The following TAFA1 variants were observed in gnomAD, a reference collection of about 807,000 sequenced individuals.
The protein encoded by TAFA1 is TAFA chemokine like family member 1, also known as chemokine-like protein TAFA-1.
A neutral mutation model predicts 18.5 loss-of-function variants in TAFA1; 4 were observed. The ratio of observed to expected loss-of-function variants is 0.22; its 90% CI spans 0.11 to 0.49. The LOEUF (loss-of-function observed/expected upper bound fraction) is 0.49, where lower values mean the gene tolerates loss of function less well. TAFA1 is among the 20% of genes least tolerant of loss of function. The pLI, the probability that TAFA1 is intolerant of heterozygous loss-of-function variation, is 0.98. For synonymous variants in TAFA1, 56 were observed against 55.2 expected (o/e 1.01, Z -0.06); for missense variants, 147 against 169.0 (o/e 0.87, Z 0.72).
intron 2 of TAFA1, among the ~76,000 whole-genome samples, chr3:68,290,418 T>G (rs1295111931): frequency 6.6e-6 from 1 of 152,142 alleles, no homozygotes. Context: ...TTTATATGAG[T>G]AGTGAATGTC....
intron 2 of TAFA1, among the ~76,000 whole-genome samples, chr3:68,353,772 G>A (rs999766284): frequency 1.3e-5 from 2 of 152,120 alleles, no homozygotes; most frequent in Admixed American, 6.6e-5. Flanking sequence ...GTTTTAACAT[G>A]TGTGATGAAC....
chr3:68,355,033 G>A (rs2069335980), intron 2 of TAFA1, among the ~76,000 whole-genome samples: 1 of 151,942 alleles, frequency 6.6e-6, no homozygotes, highest in Non-Finnish European at 1.5e-5. Context: ...TCAGATCCCT[G>A]TGGAAATTTT....
At chr3:68,120,181 CT>C (rs773644276) in intron 2 of TAFA1, among the ~76,000 whole-genome samples, 2 of 17,602 alleles carry the variant, frequency 1.1e-4, no homozygotes, top group Non-Finnish European at 1.4e-4. Flanking sequence ...CTCTTTCTTT[CT>C]TTCTTTCTTT....
intron 2 of TAFA1, among the ~76,000 whole-genome samples, chr3:68,038,583 T>C (rs1342745743): frequency 6.6e-6 from 1 of 152,186 alleles, no homozygotes; most frequent in Non-Finnish European, 1.5e-5. Context: ...GATGCCTGCA[T>C]GGCTGCAGTA....
intron 2 of TAFA1, among the ~76,000 whole-genome samples, chr3:68,125,488 G>C (rs569841566): frequency 6.6e-6 from 1 of 152,292 alleles, no homozygotes; most frequent in Non-Finnish European, 1.5e-5. Flanking sequence ...GTGGCTATGA[G>C]CTAAATGATG....
intron 2 of TAFA1, among the ~76,000 whole-genome samples, chr3:68,112,494 TA>T (rs1419162773): frequency 1.3e-5 from 2 of 152,190 alleles, no homozygotes; most frequent in African/African-American, 4.8e-5. Context: ...TAATACATTA[TA>T]TTGGCCAAAA....
intron 2 of TAFA1, among the ~76,000 whole-genome samples, chr3:68,357,170 T>A (rs1431644037): frequency 6.6e-6 from 1 of 152,018 alleles, no homozygotes; most frequent in African/African-American, 2.4e-5. Context: ...ACAGACTACA[T>A]AGGATTCAAT....
chr3:68,038,193 C>T (rs547894304), intron 2 of TAFA1, among the ~76,000 whole-genome samples: 1 of 152,076 alleles, frequency 6.6e-6, no homozygotes, highest in Non-Finnish European at 1.5e-5. Flanking sequence ...CTCTCATTGT[C>T]ATATTTCAGA....
chr3:68,000,823 G>A (rs1312465914), upstream of TAFA1, among the ~76,000 whole-genome samples: 1 of 152,176 alleles, frequency 6.6e-6, no homozygotes, highest in East Asian at 1.9e-4. Context: ...ACAGGAAGTA[G>A]AATTAATAGG....
At chr3:68,225,334 C>A (rs945112813) in intron 2 of TAFA1, among the ~76,000 whole-genome samples, 1 of 152,142 alleles carries the variant, frequency 6.6e-6, no homozygotes, top group African/African-American at 2.4e-5. Context: ...CTAATCGGAA[C>A]TTGTGCCCAT....
intron 3 of TAFA1, among the ~76,000 whole-genome samples, chr3:68,516,464 C>T (rs2072922415): frequency 6.6e-6 from 1 of 152,154 alleles, no homozygotes; most frequent in Non-Finnish European, 1.5e-5. Flanking sequence ...AAAAATTAGG[C>T]TACATATGTT....
chr3:68,480,460 C>T (rs2072211654), intron 3 of TAFA1, among the ~76,000 whole-genome samples: 1 of 151,964 alleles, frequency 6.6e-6, no homozygotes, highest in African/African-American at 2.4e-5. Context: ...TCAGGACCAA[C>T]TGAGTCAGAA....
chr3:67,995,046 G>GA, the TAFA1 span, among the ~76,000 whole-genome samples: 14 of 150,358 alleles, frequency 9.3e-5, no homozygotes, highest in South Asian at 6.3e-4. Context: ...ATATGAACTA[G>GA]AAAAAAAAAC....
intron 2 of TAFA1, among the ~76,000 whole-genome samples, chr3:68,371,308 T>C (rs1204098493): frequency 2.6e-5 from 4 of 152,208 alleles, no homozygotes; most frequent in African/African-American, 9.6e-5. Context: ...TTGCTGCACC[T>C]GTCAACCTGT....
intron 2 of TAFA1, among the ~76,000 whole-genome samples, chr3:68,409,468 G>A (rs2070672089): frequency 1.3e-5 from 2 of 152,070 alleles, no homozygotes; most frequent in African/African-American, 4.8e-5. Flanking sequence ...GATTTTAAAA[G>A]TGGTCATTTC....
At chr3:68,098,089 A>G (rs1342736663) in intron 2 of TAFA1, among the ~76,000 whole-genome samples, 1 of 152,194 alleles carries the variant, frequency 6.6e-6, no homozygotes, top group Non-Finnish European at 1.5e-5. Context: ...TGTTGACTGC[A>G]AAGAACCTGT....
chr3:68,305,409 CTATATATATATATATATA>C lies in TAFA1; in HGVS notation c.119-111840_119-111823del, dbSNP rs773025236. ...TATATGACTATATATGACTATATGA[CTATATATATATATATATA>C]TATATATATATATATATATATATAT... On this transcript the variant is annotated intron_variant, in intron 2 of 4. Coordinates refer to ENST00000478136, the MANE Select transcript of TAFA1 (RefSeq NM_213609.4). 3.2e-3 allele frequency among the ~76,000 whole-genome samples: 121 copies of C among 38,202 alleles called. 1 individual carries two copies. The highest frequency in any genetic ancestry group is 8.7e-3 in the African/African-American group (70 of 8,032). 25.1% of individuals were successfully genotyped at this position (38,202 alleles called of 152,430 possible). A position where few individuals can be genotyped will look rare whatever the true frequency, so the allele number is the denominator to read the frequency against.
At chr3:68,343,427 T>C (rs1266823020) in intron 2 of TAFA1, among the ~76,000 whole-genome samples, 1 of 152,218 alleles carries the variant, frequency 6.6e-6, no homozygotes, top group Non-Finnish European at 1.5e-5. Flanking sequence ...GCTTTGAAAT[T>C]TCACTATTTA....
chr3:68,464,230 C>A (rs920036006), intron 3 of TAFA1, among the ~76,000 whole-genome samples: 1 of 152,176 alleles, frequency 6.6e-6, no homozygotes, highest in African/African-American at 2.4e-5. Context: ...AACCCTGGCT[C>A]TCTTTTAGCT....
Sources: allele counts gnomAD v4.1 joint callset (sites outside exome capture counted in the v4.1 genomes callset), GRCh38; gene constraint gnomAD v4.1.1; transcripts MANE v1.5; gene names NCBI Gene and HGNC (gene_info 2026-07-23, HGNC 2026-07-21).